Variants in FOXN3 observed in about 807,000 individuals in gnomAD.
The protein encoded by FOXN3 is forkhead box protein N3.
Under a neutral mutation model 38.4 loss-of-function variants are expected in FOXN3, and 7 were observed. The ratio of observed to expected loss-of-function variants is 0.18; its 90% CI spans 0.10 to 0.34. The LOEUF (loss-of-function observed/expected upper bound fraction) is 0.34, where lower values mean the gene tolerates loss of function less well. Ranked by LOEUF, FOXN3 falls within the 10% of genes least tolerant of loss-of-function variation. The pLI is 1.00. For missense variants in FOXN3, 456 were observed against 613.4 expected, an observed-to-expected ratio of 0.74 and a Z score of 2.71; for synonymous variants, 230 against 242.2, an observed-to-expected ratio of 0.95 and a Z score of 0.47.
intron 2 of FOXN3, 136 bp from the exon 3 acceptor site, chr14:89,350,944 T>C (rs1888943372): frequency 1.8e-6 from 1 of 570,712 alleles, no homozygotes; most frequent in Non-Finnish European, 2.8e-6. Context: ...CCTTAAATAT[T>C]ATACTGACAG....
rs1022973564 is a variant in FOXN3, at chr14:89,548,387, ATTAC to A, written c.-15+70637_-15+70640del. 5.3e-5 allele frequency among the ~76,000 whole-genome samples: 8 copies of A among 152,222 alleles called. No homozygotes were observed. Among genetic ancestry groups the A allele is most frequent in the African/African-American group, 1.2e-4 (5 of 41,450 alleles). Reference sequence around the variant, plus strand: ...TATAAAGATGTGCACATATCACAGCATTACTTATTTATTTACTCTTGCTAATATA... The same window carrying A: ...TATAAAGATGTGCACATATCACAGCATTATTTATTTACTCTTGCTAATATA... On this transcript the variant is annotated intron_variant, in intron 1 of 6. Coordinates refer to the FOXN3 transcript ENST00000345097. This position sits in a 1 kb window ranked among gnomAD's most constrained non-coding sequence, Gnocchi z 4.8.
At chr14:89,597,419 A>G (rs1021931832) in intron 1 of FOXN3, among the ~76,000 whole-genome samples, 9 of 152,300 alleles carry the variant, frequency 5.9e-5, no homozygotes, top group Admixed American at 5.9e-4. Context: ...TGTGTACTTG[A>G]AAGGAATATC....
chr14:89,436,526 T>C (rs11622663), intron 1 of FOXN3, among the ~76,000 whole-genome samples: 80,251 of 151,948 alleles, frequency 0.53, 21,653 homozygotes, highest in Middle Eastern at 0.68. Context: ...GTGGTCTGGG[T>C]GGGACTGACC....
intron 3 of FOXN3, among the ~76,000 whole-genome samples, chr14:89,303,635 T>A (rs559371631): frequency 1.3e-5 from 2 of 152,304 alleles, no homozygotes; most frequent in African/African-American, 2.4e-5. Context: ...AAGTGACTCA[T>A]GCTCTCTTCA....
intron 1 of FOXN3, among the ~76,000 whole-genome samples, chr14:89,529,423 C>T (rs1894507711): frequency 6.6e-6 from 1 of 152,166 alleles, no homozygotes; most frequent in South Asian, 2.1e-4. Context: ...TTAGGCAGTA[C>T]AATTGCAAAG....
chr14:89,362,946 A>G (rs1172731074), intron 2 of FOXN3, among the ~76,000 whole-genome samples: 1 of 152,168 alleles, frequency 6.6e-6, no homozygotes, highest in African/African-American at 2.4e-5. Flanking sequence ...AAGAGCTAAC[A>G]GCACAGGAGT....
chr14:89,417,709 G>A (rs1262943681), upstream of FOXN3: 3 of 456,008 alleles, frequency 6.6e-6, no homozygotes, highest in South Asian at 3.1e-5. Context: ...GTGAGAAGAG[G>A]AGATTCCACG....
At chr14:89,579,992 T>C (rs1257958854) in intron 1 of FOXN3, among the ~76,000 whole-genome samples, 1 of 72,612 alleles carries the variant, frequency 1.4e-5, no homozygotes, top group Non-Finnish European at 4.3e-5. Context: ...TTATTCCTAT[T>C]CTGAAAAGAA....
chr14:89,289,671 T>A (rs1156554968), intron 3 of FOXN3, among the ~76,000 whole-genome samples: 2 of 152,232 alleles, frequency 1.3e-5, no homozygotes, highest in Admixed American at 1.3e-4. Flanking sequence ...ATTTGGTCCT[T>A]AATATGAAAT....
chr14:89,613,116 C>CAAAAAAAA (rs10581958), intron 1 of FOXN3, among the ~76,000 whole-genome samples: 7 of 74,600 alleles, frequency 9.4e-5, no homozygotes, highest in African/African-American at 4.0e-4. Flanking sequence ...GACTCTGTCT[C>CAAAAAAAA]AAAAAAAAAA....
intron 4 of FOXN3, among the ~76,000 whole-genome samples, chr14:89,256,246 T>C (rs1885616028): frequency 6.6e-6 from 1 of 152,150 alleles, no homozygotes; most frequent in African/African-American, 2.4e-5. Context: ...CACAATATGC[T>C]TCAAACTCTC....
At chr14:89,585,441 T>C (rs1023465525) in intron 1 of FOXN3, among the ~76,000 whole-genome samples, 2 of 152,234 alleles carry the variant, frequency 1.3e-5, no homozygotes, top group Non-Finnish European at 2.9e-5. Context: ...GTCTGCTTTA[T>C]CATATGTATG....
At chr14:89,456,669 T>A (rs1203647463) in intron 1 of FOXN3, among the ~76,000 whole-genome samples, 1 of 152,148 alleles carries the variant, frequency 6.6e-6, no homozygotes, top group Non-Finnish European at 1.5e-5. Flanking sequence ...GGCATAAGAA[T>A]CGCTTGAACC....
At position 89,403,739 on chromosome 14, in the gene FOXN3, A is replaced by G. The variant is rs571959246; in HGVS notation, c.543+8195T>C. Among the ~76,000 whole-genome samples the G allele has an allele frequency of 5.3e-5, 8 of 152,252 alleles. No individual in the cohort carries two copies. In the South Asian group the frequency reaches 1.4e-3, roughly 28 times the overall value. On this transcript the variant is annotated intron_variant, in intron 2 of 5. Coordinates refer to ENST00000557258, the MANE Select transcript of FOXN3 (RefSeq NM_005197.4). The stretch of plus-strand genomic sequence containing the variant: ...ATGCAACATTTTCTCAATAGGAAAC[A>G]GGGGGAGATACTGGACAGATACATT...
intron 2 of FOXN3, among the ~76,000 whole-genome samples, chr14:89,360,701 C>CACCACCTCCAGCACTACCTCCACCACT (rs1889453568): frequency 7.5e-5 from 11 of 146,968 alleles, no homozygotes; most frequent in East Asian, 2.1e-4. Flanking sequence ...CCTCAGCTAC[C>CACCACCTCCAGCACTACCTCCACCACT]ACCACCTCCA....
chr14:89,469,441 A>G (rs1461669057), intron 1 of FOXN3, among the ~76,000 whole-genome samples: 1 of 152,230 alleles, frequency 6.6e-6, no homozygotes, highest in Non-Finnish European at 1.5e-5. Context: ...CTAGTAGATA[A>G]GGAAAGCCTT....
At chr14:89,293,175 C>T (rs915726211) in intron 3 of FOXN3, among the ~76,000 whole-genome samples, 12 of 152,218 alleles carry the variant, frequency 7.9e-5, no homozygotes, top group Admixed American at 3.9e-4. Context: ...GTATCTCCAG[C>T]GGGCTCTGCA....
intron 1 of FOXN3, among the ~76,000 whole-genome samples, chr14:89,551,161 TC>T (rs1183936555): frequency 1.3e-5 from 2 of 152,216 alleles, no homozygotes; most frequent in African/African-American, 4.8e-5. Context: ...AGAAATGTTT[TC>T]ACTGCAGCAG....
chr14:89,504,043 T>A (rs527533653), intron 1 of FOXN3, among the ~76,000 whole-genome samples: 66 of 152,330 alleles, frequency 4.3e-4, no homozygotes, highest in South Asian at 1.0e-3. Context: ...CTTGTTTGCA[T>A]CCTGGACTAG....
Sources: gnomAD v4.1 joint callset for allele counts (sites outside exome capture counted in the v4.1 genomes callset) on GRCh38, gnomAD v4.1.1 for gene constraint, Gnocchi (gnomAD v3.1) non-coding constraint, MANE v1.5 for transcripts, NCBI Gene and HGNC (gene_info 2026-07-23, HGNC 2026-07-21) for gene names.